Variants in MCTP1 observed in about 807,000 individuals in gnomAD.
MCTP1 encodes multiple C2 and transmembrane domain containing 1.
A neutral mutation model predicts 120.6 loss-of-function variants in MCTP1; 69 were observed. That is an observed-to-expected ratio of 0.57 (90% CI 0.47 to 0.70). The LOEUF (loss-of-function observed/expected upper bound fraction) is 0.70. Ranked by LOEUF, MCTP1 falls within the 30% of genes least tolerant of loss-of-function variation. The pLI, the probability that MCTP1 is intolerant of heterozygous loss-of-function variation, is 0.00. For missense variants in MCTP1, 1,203 were observed against 1,248.8 expected, an observed-to-expected ratio of 0.96 and a Z score of 0.55; for synonymous variants, 529 against 493.1, an observed-to-expected ratio of 1.07 and a Z score of -0.96.
At chr5:94,831,715 C>A (rs1217966730) in intron 17 of MCTP1, among the ~76,000 whole-genome samples, 1 of 152,036 alleles carries the variant, frequency 6.6e-6, no homozygotes, top group East Asian at 1.9e-4. Context: ...TTTAAAAGCT[C>A]TTTTCAAATT....
intron 19 of MCTP1, among the ~76,000 whole-genome samples, chr5:94,757,939 T>C (rs1770329442): frequency 6.6e-6 from 1 of 152,138 alleles, no homozygotes; most frequent in Admixed American, 6.6e-5. Context: ...AAGGGAGTCT[T>C]GGGAAACAGG....
At chr5:95,168,574 G>A (rs886089897) in intron 1 of MCTP1, among the ~76,000 whole-genome samples, 4 of 152,038 alleles carry the variant, frequency 2.6e-5, no homozygotes, top group Non-Finnish European at 4.4e-5. Context: ...CTTTTATTTC[G>A]TTGAGCAGTG....
chr5:94,759,103 C>G (rs904335675), intron 19 of MCTP1, among the ~76,000 whole-genome samples: 1 of 152,058 alleles, frequency 6.6e-6, no homozygotes, highest in Admixed American at 6.6e-5. Flanking sequence ...GTGAAGAAAA[C>G]CACAAAGACA....
intron 17 of MCTP1, among the ~76,000 whole-genome samples, chr5:94,804,122 A>G (rs1781769344): frequency 6.6e-6 from 1 of 152,206 alleles, no homozygotes; most frequent in South Asian, 2.1e-4. Context: ...AGTTGCTTTA[A>G]GCTACTAATT....
chr5:95,084,873 C>T (rs1230522962), intron 1 of MCTP1, among the ~76,000 whole-genome samples: 1 of 152,064 alleles, frequency 6.6e-6, no homozygotes. Flanking sequence ...TAGATTTCCA[C>T]AGTTTCAACC....
intron 7 of MCTP1, among the ~76,000 whole-genome samples, chr5:94,920,945 T>C (rs947864621): frequency 6.6e-6 from 1 of 152,102 alleles, no homozygotes; most frequent in African/African-American, 2.4e-5. Context: ...TCTTGATTTT[T>C]ATATGAAGTA....
At chr5:94,973,793 C>CTTT (rs1827439036) in intron 2 of MCTP1, among the ~76,000 whole-genome samples, 6 of 151,968 alleles carry the variant, frequency 3.9e-5, no homozygotes, top group African/African-American at 1.4e-4. Flanking sequence ...GGCTCATGAC[C>CTTT]ACTCCATCTG....
At chr5:94,749,170 T>C (rs1767631177) in intron 19 of MCTP1, among the ~76,000 whole-genome samples, 1 of 152,202 alleles carries the variant, frequency 6.6e-6, no homozygotes, top group Admixed American at 6.5e-5. Flanking sequence ...AAATTTTTGC[T>C]AGGCCAATCT....
chr5:94,961,624 C>A (rs991530325), intron 2 of MCTP1, among the ~76,000 whole-genome samples: 2 of 152,032 alleles, frequency 1.3e-5, no homozygotes, highest in African/African-American at 4.8e-5. Context: ...TGAATGAGAC[C>A]AATCTTGACC....
intron 2 of MCTP1, among the ~76,000 whole-genome samples, chr5:95,006,907 T>TA (rs954319587): frequency 6.6e-6 from 1 of 151,992 alleles, no homozygotes; most frequent in Non-Finnish European, 1.5e-5. Flanking sequence ...AGTCAACAGG[T>TA]AAAAAAACAC....
At chr5:95,035,618 C>G (rs971552459) in intron 1 of MCTP1, among the ~76,000 whole-genome samples, 1 of 151,956 alleles carries the variant, frequency 6.6e-6, no homozygotes, top group Non-Finnish European at 1.5e-5. Flanking sequence ...TTATTGGGTA[C>G]TATGTTCACT....
intron 10 of MCTP1, among the ~76,000 whole-genome samples, chr5:94,895,086 C>T (rs756024069): frequency 2.0e-5 from 3 of 152,064 alleles, no homozygotes; most frequent in East Asian, 1.9e-4. Context: ...CCCACTGTCA[C>T]GGTATTCATA....
At chr5:95,007,996 C>T (rs766255711) in intron 2 of MCTP1, among the ~76,000 whole-genome samples, 2 of 152,064 alleles carry the variant, frequency 1.3e-5, no homozygotes, top group Non-Finnish European at 2.9e-5. Flanking sequence ...CAGTGTAATG[C>T]CTACATGACG....
At chr5:95,162,414 A>G (rs1745846565) in intron 1 of MCTP1, among the ~76,000 whole-genome samples, 1 of 152,180 alleles carries the variant, frequency 6.6e-6, no homozygotes, top group Non-Finnish European at 1.5e-5. Flanking sequence ...AACCCATAGA[A>G]AGGAAACAGA....
At chr5:95,262,256 C>A (rs1161820215) in intron 1 of MCTP1, among the ~76,000 whole-genome samples, 1 of 152,202 alleles carries the variant, frequency 6.6e-6, no homozygotes, top group Non-Finnish European at 1.5e-5. Flanking sequence ...TCCACAGACA[C>A]ATTTTTTTGA....
chr5:95,033,968 C>T (rs1157756379), intron 1 of MCTP1, among the ~76,000 whole-genome samples: 1 of 151,914 alleles, frequency 6.6e-6, no homozygotes, highest in Non-Finnish European at 1.5e-5. Flanking sequence ...ATCCCATTTA[C>T]AATAGCCACA....
intron 9 of MCTP1, among the ~76,000 whole-genome samples, chr5:94,912,307 C>A (rs894925465): frequency 1.3e-4 from 19 of 151,592 alleles, no homozygotes; most frequent in Middle Eastern, 3.4e-3. Context: ...CACCTGTAGT[C>A]CCAGCTACTC....
chr5:94,742,310 C>A (rs903628723), intron 19 of MCTP1, among the ~76,000 whole-genome samples: 1 of 152,206 alleles, frequency 6.6e-6, no homozygotes, highest in African/African-American at 2.4e-5. Flanking sequence ...CTGCCTCAGC[C>A]TCCCAAAGTA....
chr5:94,731,970 A>T (rs1385675749), intron 19 of MCTP1, among the ~76,000 whole-genome samples: 1 of 152,230 alleles, frequency 6.6e-6, no homozygotes, highest in Admixed American at 6.5e-5. Flanking sequence ...TTCAATTAAA[A>T]ATGTAAAATC....
Sources: allele counts gnomAD v4.1 joint callset (sites outside exome capture counted in the v4.1 genomes callset), GRCh38; gene constraint gnomAD v4.1.1; transcripts MANE v1.5; gene names NCBI Gene and HGNC (gene_info 2026-07-23, HGNC 2026-07-21).